The following ABLIM3 variants were observed in gnomAD, a reference collection of about 807,000 sequenced individuals.
ABLIM3 encodes the protein actin-binding LIM protein 3.
In ABLIM3, 61 loss-of-function variants were observed where a neutral mutation model predicts 109.5. The ratio of observed to expected loss-of-function variants is 0.56; its 90% CI spans 0.45 to 0.69. The LOEUF is 0.69. Ranked by LOEUF, ABLIM3 falls within the 30% of genes least tolerant of loss-of-function variation. The pLI is 0.00. For missense variants in ABLIM3, 796 were observed against 889.5 expected (o/e 0.89, Z 1.34); for synonymous variants, 300 against 324.8 (o/e 0.92, Z 0.82).
At chr5:149,173,749 C>T (rs868300527) in intron 2 of ABLIM3, among the ~76,000 whole-genome samples, 2 of 152,248 alleles carry the variant, frequency 1.3e-5, no homozygotes, top group East Asian at 1.9e-4. Context: ...CCGCCGGGCG[C>T]GGTGGCTCAC....
rs1265592413 is a variant in ABLIM3 at position 149,173,408 on chromosome 5, T to A, written c.14-10044T>A. Reference sequence around the variant, plus strand: ...GTCTAGCCTTCATTTTGGCCTGACCTCAGGCAAGTGTCCCTGATCTGAAAC... The same window carrying A: ...GTCTAGCCTTCATTTTGGCCTGACCACAGGCAAGTGTCCCTGATCTGAAAC... On this transcript the variant is annotated intron_variant, in intron 2 of 23. Coordinates refer to ENST00000309868, the MANE Select transcript of ABLIM3 (RefSeq NM_014945.5). Among the ~76,000 whole-genome samples, 5 of 152,186 alleles carry A rather than the reference T, an allele frequency of 3.3e-5. 1 individual carries two copies. Among genetic ancestry groups the A allele is most frequent in the Non-Finnish European group, 7.3e-5 (5 of 68,040 alleles).
chr5:149,159,804 A>T (rs186987330), intron 2 of ABLIM3, among the ~76,000 whole-genome samples: 2 of 152,152 alleles, frequency 1.3e-5, no homozygotes, highest in Non-Finnish European at 2.9e-5. Flanking sequence ...TATTTTGTGC[A>T]AGCATCTCCC....
chr5:149,239,223 T>C (rs775018145), intron 11 of ABLIM3, 25 bp from the exon 12 acceptor site: 11 of 1,613,524 alleles, frequency 6.8e-6, no homozygotes, highest in Non-Finnish European at 8.5e-6. Flanking sequence ...GTTCCACAAC[T>C]GCCTTCAAAC....
At chr5:149,213,699 C>T (rs934326346) in intron 7 of ABLIM3, among the ~76,000 whole-genome samples, 17 of 152,162 alleles carry the variant, frequency 1.1e-4, no homozygotes, top group Admixed American at 1.3e-4. Flanking sequence ...GCCGTTTCCC[C>T]GAGAGTTACC....
At chr5:149,222,661 C>CTTT (rs552243427) in intron 8 of ABLIM3, among the ~76,000 whole-genome samples, 8 of 124,406 alleles carry the variant, frequency 6.4e-5, no homozygotes, top group South Asian at 2.6e-4. Flanking sequence ...TTTCAGATTA[C>CTTT]TTTTTTTTTT....
At chr5:149,186,952 A>G (rs969162967) in intron 3 of ABLIM3, among the ~76,000 whole-genome samples, 9 of 152,216 alleles carry the variant, frequency 5.9e-5, no homozygotes, top group African/African-American at 1.2e-4. Flanking sequence ...AATTAATTCA[A>G]TGTATCAATT....
intron 3 of ABLIM3, among the ~76,000 whole-genome samples, chr5:149,189,931 T>C (rs1311720609): frequency 1.3e-5 from 2 of 152,200 alleles, no homozygotes; most frequent in Non-Finnish European, 2.9e-5. Context: ...ATAGCAGCAT[T>C]ATTCGTAATA....
At chr5:149,195,997 C>G (rs1757935320) in intron 3 of ABLIM3, among the ~76,000 whole-genome samples, 2 of 152,214 alleles carry the variant, frequency 1.3e-5, no homozygotes. Flanking sequence ...AAGAAAAGCT[C>G]AGCCTCTTCA....
chr5:149,146,337 T>G (rs966190045), intron 2 of ABLIM3, among the ~76,000 whole-genome samples: 2 of 152,172 alleles, frequency 1.3e-5, no homozygotes, highest in Admixed American at 1.3e-4. Context: ...CAGTTGTCGA[T>G]TTTTGTTTTT....
intron 20 of ABLIM3, 56 bp downstream of exon 20, chr5:149,250,561 C>A: frequency 1.3e-6 from 2 of 1,585,876 alleles, no homozygotes; most frequent in South Asian, 1.1e-5. Flanking sequence ...TGCTAATAAA[C>A]CCAACATTAG....
At position 149,198,360 on chromosome 5, in the gene ABLIM3, G is replaced by T; in HGVS notation, c.293G>T (p.Gly98Val). ...ACAGGCGAAGTCATCTCGGCCCTGG[G>T]CCGCACTTACCACCCCAAGTGCTTC... Reference protein sequence around the residue: ...FITGEVISALGRTYHPKCFVC... With the variant: ...FITGEVISALVRTYHPKCFVC... Residue 98 changes from glycine (G) to valine (V), a missense_variant, in exon 4 of 24, where the codon GGC becomes GTC. Gly to Val is a moderately radical substitution (Grantham distance 109). Transcript: ENST00000309868. This position sits in a 1 kb window ranked among gnomAD's most constrained non-coding sequence, Gnocchi z 4.2. 1.2e-6 allele frequency: 2 copies of T among 1,613,898 alleles called. No individual in the cohort carries two copies. The highest frequency in any genetic ancestry group is 1.7e-6 in the Non-Finnish European group (2 of 1,179,876).
At chr5:149,147,899 C>T (rs1350039316) in intron 2 of ABLIM3, among the ~76,000 whole-genome samples, 1 of 152,114 alleles carries the variant, frequency 6.6e-6, no homozygotes, top group Non-Finnish European at 1.5e-5. Context: ...GCTGTGGGCA[C>T]AGCTGGCATC....
chr5:149,148,303 G>T lies in ABLIM3; in HGVS notation c.13+6195G>T, dbSNP rs1485603527. Reference sequence around the variant, plus strand: ...AGACCTAGGTAGAGCACAGCAGGTGGGGTCTGGTCCTTATTCAGGAGAAAA... The same window carrying T: ...AGACCTAGGTAGAGCACAGCAGGTGTGGTCTGGTCCTTATTCAGGAGAAAA... On this transcript the variant is annotated intron_variant, in intron 2 of 23. Coordinates refer to ENST00000309868, the MANE Select transcript of ABLIM3 (RefSeq NM_014945.5). Among the ~76,000 whole-genome samples, 3 of 152,104 alleles carry T rather than the reference G, an allele frequency of 2.0e-5. No individual in the cohort carries two copies. In the South Asian group the frequency reaches 6.2e-4, roughly 32 times the overall value.
In ABLIM3 at chr5:149,210,726, G is replaced by A; in HGVS notation, c.576G>A (p.Lys192=). The A allele has an allele frequency of 6.2e-7, 1 of 1,613,830 alleles. No individual in the cohort carries two copies. Among genetic ancestry groups the A allele is most frequent in the South Asian group, 1.1e-5 (1 of 91,058 alleles). ...SVILTGEYIS[K]DGVPYCESDY... The stretch of plus-strand genomic sequence containing the variant: ...ATCCTATGTGAACTTCTTCTTGCAG[G>A]GATGGTGTTCCATACTGTGAGTCCG... The change falls in exon 7 of 24, where the codon AAG becomes AAA. Residue 192 remains lysine, a splice_region_variant and synonymous_variant. Coordinates refer to ENST00000309868, the MANE Select transcript of ABLIM3 (RefSeq NM_014945.5).
intron 19 of ABLIM3, 139 bp from the exon 20 acceptor site, chr5:149,250,308 A>C (rs1386756713): frequency 3.9e-6 from 3 of 761,676 alleles, no homozygotes; most frequent in Non-Finnish European, 6.7e-6. Context: ...GGAGAGCATC[A>C]GGAAGAGTTG....
In ABLIM3 at chr5:149,200,423, C is replaced by T. The variant is rs1241699367; in HGVS notation, c.443C>T (p.Pro148Leu). The stretch of plus-strand genomic sequence containing the variant: ...AGTAAGCCCATCAAGATTCGTGGAC[C>T]AAGCCGTGAGTCCTCCCCACGGGTA... ...ASSKPIKIRG[P>L]SHCAGCKEEI... Residue 148 changes from proline to leucine, a missense_variant, in exon 5 of 24, where the codon CCA becomes CTA. Transcript: ENST00000309868. 1 of 1,614,104 alleles carries T rather than the reference C, an allele frequency of 6.2e-7. No homozygotes were observed. Among genetic ancestry groups the T allele is most frequent in the East Asian group, 2.2e-5 (1 of 44,872 alleles).
chr5:149,250,106 T>C (rs1364453155), intron 19 of ABLIM3, among the ~76,000 whole-genome samples: 2 of 152,198 alleles, frequency 1.3e-5, no homozygotes, highest in African/African-American at 2.4e-5. Context: ...CCTTCCTACC[T>C]GAGTTCTGAG....
intron 2 of ABLIM3, among the ~76,000 whole-genome samples, chr5:149,158,759 A>G (rs1754068357): frequency 6.6e-6 from 1 of 152,208 alleles, no homozygotes; most frequent in Non-Finnish European, 1.5e-5. Context: ...CAAGGGAGGC[A>G]ATGACTTCCC....
chr5:149,200,554 T>C, intron 5 of ABLIM3, 126 bp downstream of exon 5: 1 of 858,322 alleles, frequency 1.2e-6, no homozygotes. Context: ...CCTGGAGGCC[T>C]CCTGCATCAT....
Sources: gnomAD v4.1 joint callset for allele counts (sites outside exome capture counted in the v4.1 genomes callset) on GRCh38, gnomAD v4.1.1 for gene constraint, Gnocchi (gnomAD v3.1) non-coding constraint, MANE v1.5 for transcripts, NCBI Gene and HGNC (gene_info 2026-07-23, HGNC 2026-07-21) for gene names.